Variants in MCC observed in about 807,000 individuals in gnomAD.
MCC encodes the protein MCC regulator of Wnt signaling pathway.
A neutral mutation model predicts 116.2 loss-of-function variants in MCC; 90 were observed. The observed-to-expected ratio is 0.77, with a 90% CI of 0.65 to 0.92. The LOEUF (loss-of-function observed/expected upper bound fraction) is 0.92. Among genes scored for constraint, MCC ranks in the 40% least tolerant of loss-of-function variants. The pLI is 0.00. For synonymous variants in MCC, 578 were observed against 510.5 expected (o/e 1.13, Z -1.78); for missense variants, 1,516 against 1,312.2 (o/e 1.16, Z -2.40).
chr5:113,258,447 C>T (rs4632792), intron 3 of MCC, among the ~76,000 whole-genome samples: 16,419 of 152,260 alleles, frequency 0.11, 1,406 homozygotes, highest in Admixed American at 0.25. Context: ...CCAGCATTAA[C>T]GCCTGGGCTC....
chr5:113,073,894 G>A (rs1350567079), intron 11 of MCC, among the ~76,000 whole-genome samples: 1 of 152,230 alleles, frequency 6.6e-6, no homozygotes, highest in Non-Finnish European at 1.5e-5. Context: ...CTCAAACTGG[G>A]TGGAGCCCAC....
chr5:113,035,956 C>A (rs1055145058), intron 17 of MCC, among the ~76,000 whole-genome samples: 1 of 150,184 alleles, frequency 6.7e-6, no homozygotes, highest in South Asian at 2.1e-4. Flanking sequence ...TCATTTCATT[C>A]CCACATAACC....
intron 3 of MCC, among the ~76,000 whole-genome samples, chr5:113,191,934 G>A (rs1021112077): frequency 6.6e-6 from 1 of 152,174 alleles, no homozygotes; most frequent in Non-Finnish European, 1.5e-5. Flanking sequence ...GCTAAGTACT[G>A]TACAAGCCCT....
chr5:113,089,674 G>A (rs2150247192), intron 8 of MCC, among the ~76,000 whole-genome samples: 1 of 152,332 alleles, frequency 6.6e-6, no homozygotes, highest in African/African-American at 2.4e-5. Flanking sequence ...TGTGCCTGGT[G>A]TACTCAAGGA....
chr5:113,095,762 G>GT (rs1755968158), intron 8 of MCC, among the ~76,000 whole-genome samples: 1 of 152,152 alleles, frequency 6.6e-6, no homozygotes, highest in African/African-American at 2.4e-5. Flanking sequence ...TAGGCTTTGA[G>GT]TAAGTCCCGC....
At chr5:113,256,874 A>G (rs1334942110) in intron 3 of MCC, among the ~76,000 whole-genome samples, 2 of 152,186 alleles carry the variant, frequency 1.3e-5, no homozygotes, top group African/African-American at 4.8e-5. Flanking sequence ...TACTCTGCAG[A>G]AAGTGCTAGT....
At chr5:113,042,474 CAA>C (rs5870523) in intron 17 of MCC, among the ~76,000 whole-genome samples, 3,116 of 68,376 alleles carry the variant, frequency 0.046, 57 homozygotes, top group African/African-American at 0.11. Context: ...GACCCTCTCT[CAA>C]AAAAAAAAAA....
intron 1 of MCC, among the ~76,000 whole-genome samples, chr5:113,442,185 A>T (rs1268327718): frequency 6.6e-6 from 1 of 152,108 alleles, no homozygotes; most frequent in Non-Finnish European, 1.5e-5. Flanking sequence ...CTTTTTAATG[A>T]TCCCCATTCT....
intron 8 of MCC, among the ~76,000 whole-genome samples, chr5:113,091,755 T>G (rs989014791): frequency 6.6e-6 from 1 of 151,982 alleles, no homozygotes; most frequent in African/African-American, 2.4e-5. Context: ...GAGTGGTGCG[T>G]GAGCCAGTAG....
intron 3 of MCC, among the ~76,000 whole-genome samples, chr5:113,290,181 C>T (rs1253123343): frequency 1.3e-5 from 2 of 152,190 alleles, no homozygotes; most frequent in East Asian, 1.9e-4. Flanking sequence ...ACTCAACACG[C>T]AAATGGTGAA....
chr5:113,184,479 G>GTTTTTTTTTTTTTTTTTTT (rs11303638), intron 3 of MCC, among the ~76,000 whole-genome samples: 1 of 115,142 alleles, frequency 8.7e-6, no homozygotes, highest in African/African-American at 3.0e-5. Flanking sequence ...TTCGTTTTTT[G>GTTTTTTTTTTTTTTTTTTT]TTTTTTTTTT....
At chr5:113,419,377 T>G (rs1019101199) in intron 1 of MCC, among the ~76,000 whole-genome samples, 16 of 149,356 alleles carry the variant, frequency 1.1e-4, no homozygotes, top group Non-Finnish European at 1.6e-4. Context: ...TTTTTTTTTC[T>G]TGGTAGAGAT....
rs1029687882 is a variant in MCC at position 113,022,176 on chromosome 5, A to G, written c.*5126T>C. The G allele has an allele frequency of 6.6e-6, 1 of 152,600 alleles. No homozygotes were observed. Among genetic ancestry groups the G allele is most frequent in the African/African-American group, 2.4e-5 (1 of 41,400 alleles). The allele number at this position is 152,600 out of a possible 1,614,324, so 9.5% of individuals were successfully genotyped here. A position where few individuals can be genotyped will look rare whatever the true frequency, so the allele number is the denominator to read the frequency against. ...ATTATAAATGTCTCTGTATAAATAA[A>G]TGGAGTTTTTAAAAAACAATTCTAT... On this transcript the variant is annotated 3_prime_UTR_variant, in exon 19 of 19. Coordinates refer to ENST00000408903, the MANE Select transcript of MCC (RefSeq NM_001085377.2).
intron 3 of MCC, among the ~76,000 whole-genome samples, chr5:113,170,439 C>T (rs1189674810): frequency 6.6e-6 from 1 of 152,118 alleles, no homozygotes; most frequent in Non-Finnish European, 1.5e-5. Context: ...TGGTGAGAAG[C>T]TTGGATGCTT....
chr5:113,196,535 G>C (rs558024737), intron 3 of MCC, among the ~76,000 whole-genome samples: 5 of 152,162 alleles, frequency 3.3e-5, no homozygotes, highest in Admixed American at 3.3e-4. Context: ...TGATGTATAA[G>C]GGCTACTTAC....
At chr5:113,234,408 C>T (rs377469011) in intron 3 of MCC, 1 of 152,130 alleles carries the variant, frequency 6.6e-6, no homozygotes, top group Non-Finnish European at 1.5e-5. Flanking sequence ...GAGAGCAACA[C>T]TTCAATAAGA....
chr5:113,370,708 T>C (rs778407209), intron 2 of MCC, among the ~76,000 whole-genome samples: 1 of 152,202 alleles, frequency 6.6e-6, no homozygotes, highest in Non-Finnish European at 1.5e-5. Flanking sequence ...ACTGAAATTT[T>C]TGAGATTGTA....
intron 1 of MCC, among the ~76,000 whole-genome samples, chr5:113,432,014 T>C (rs1672157222): frequency 6.6e-6 from 1 of 152,200 alleles, no homozygotes; most frequent in African/African-American, 2.4e-5. Context: ...CACACGCCTG[T>C]AGTCCCAGCT....
chr5:113,088,754 G>A (rs1250083722), intron 8 of MCC, among the ~76,000 whole-genome samples: 1 of 151,986 alleles, frequency 6.6e-6, no homozygotes, highest in East Asian at 1.9e-4. Context: ...CTTGAGTTTG[G>A]ACTCCTAGAC....
Sources: allele counts gnomAD v4.1 joint callset (sites outside exome capture counted in the v4.1 genomes callset), GRCh38; gene constraint gnomAD v4.1.1; transcripts MANE v1.5; gene names NCBI Gene and HGNC (gene_info 2026-07-23, HGNC 2026-07-21).